The following ATP2B2 variants were observed in gnomAD, a reference collection of about 807,000 sequenced individuals.
ATP2B2 encodes the protein plasma membrane calcium-transporting ATPase 2.
In ATP2B2, 15 loss-of-function variants were observed where a neutral mutation model predicts 120.0. That is an observed-to-expected ratio of 0.12 (90% confidence interval 0.08 to 0.19). The LOEUF is 0.19. ATP2B2 is among the 10% of genes least tolerant of loss of function. The pLI, the probability that ATP2B2 is intolerant of heterozygous loss-of-function variation, is 1.00. For synonymous variants in ATP2B2, 694 were observed against 700.3 expected (o/e 0.99, Z 0.14); for missense variants, 1,045 against 1,719.8 (o/e 0.61, Z 6.94).
intron 14 of ATP2B2, among the ~76,000 whole-genome samples, chr3:10,354,855 G>T (rs546899771): frequency 6.6e-6 from 1 of 152,350 alleles, no homozygotes; most frequent in East Asian, 1.9e-4. Context: ...AGCCTCCTAG[G>T]CTGGAGGCAC....
chr3:10,645,122 G>C (rs1189132428), intron 1 of ATP2B2, among the ~76,000 whole-genome samples: 1 of 152,166 alleles, frequency 6.6e-6, no homozygotes, highest in Admixed American at 6.5e-5. Context: ...GAGAGAGAGA[G>C]AGAATGTGTG....
intron 9 of ATP2B2, 42 bp downstream of exon 9, chr3:10,379,201 G>A (rs2061462250): frequency 6.2e-7 from 1 of 1,603,330 alleles, no homozygotes; most frequent in Non-Finnish European, 8.5e-7. Flanking sequence ...GGTGGGGAGG[G>A]GCCTCAGGGA....
intron 1 of ATP2B2, among the ~76,000 whole-genome samples, chr3:10,692,494 C>T (rs906514735): frequency 2.0e-5 from 3 of 152,160 alleles, no homozygotes; most frequent in African/African-American, 7.2e-5. Flanking sequence ...TGGATGCGCA[C>T]GTTCTGGGGG....
intron 1 of ATP2B2, among the ~76,000 whole-genome samples, chr3:10,661,632 C>T (rs568732506): frequency 4.3e-4 from 65 of 152,300 alleles, no homozygotes; most frequent in African/African-American, 1.4e-3. Context: ...ATTCCATGCT[C>T]ATGGATAGGA....
At chr3:10,593,413 C>A (rs1054644741) in intron 2 of ATP2B2, among the ~76,000 whole-genome samples, 6 of 152,184 alleles carry the variant, frequency 3.9e-5, no homozygotes, top group Non-Finnish European at 7.4e-5. Context: ...AATACCCCGG[C>A]CTAGAACAGG....
At chr3:10,624,334 T>C (rs2069633625) in intron 1 of ATP2B2, among the ~76,000 whole-genome samples, 1 of 152,210 alleles carries the variant, frequency 6.6e-6, no homozygotes, top group South Asian at 2.1e-4. Flanking sequence ...CTTTCCTTTA[T>C]TTCTGGCCGA....
At chr3:10,381,069 T>C (rs1439606064) in intron 8 of ATP2B2, among the ~76,000 whole-genome samples, 1 of 152,228 alleles carries the variant, frequency 6.6e-6, no homozygotes, top group Non-Finnish European at 1.5e-5. Context: ...GATTAGTTCA[T>C]CACTGTCACT....
At chr3:10,473,597 C>G (rs144706074) in intron 1 of ATP2B2, among the ~76,000 whole-genome samples, 135 of 152,342 alleles carry the variant, frequency 8.9e-4, no homozygotes, top group African/African-American at 3.2e-3. Flanking sequence ...CACCACTGCA[C>G]TCCAGCCTGG....
At chr3:10,363,542 G>A (rs556441619) in intron 12 of ATP2B2, among the ~76,000 whole-genome samples, 3 of 152,298 alleles carry the variant, frequency 2.0e-5, no homozygotes, top group Non-Finnish European at 2.9e-5. Context: ...AGCCATGGTC[G>A]TACCTTTGAG....
At chr3:10,537,101 T>C (rs913495230) in intron 2 of ATP2B2, among the ~76,000 whole-genome samples, 5 of 152,240 alleles carry the variant, frequency 3.3e-5, no homozygotes, top group African/African-American at 1.2e-4. Context: ...CATTGATCTA[T>C]GTGTCATATC....
chr3:10,449,644 G>C lies in ATP2B2; in HGVS notation c.-101C>G. 6.9e-7 allele frequency: 1 copy of C among 1,459,236 alleles called. No individual in the cohort carries two copies. Among genetic ancestry groups the C allele is most frequent in the Non-Finnish European group, 9.6e-7 (1 of 1,046,306 alleles). The allele number at this position is 1,459,236 out of a possible 1,614,324, so 90.4% of individuals were successfully genotyped here. A position where few individuals can be genotyped will look rare whatever the true frequency, so the allele number is the denominator to read the frequency against. On this transcript the variant is annotated 5_prime_UTR_variant, in exon 2 of 23. Coordinates refer to ENST00000360273, the MANE Select transcript of ATP2B2 (RefSeq NM_001001331.4). ...TGGCTGTCCTCAGCACACCCTCACT[G>C]GTCAGCTGTGGCACCAGGCGGCCGA... is the stretch of plus-strand genomic sequence containing the variant.
At chr3:10,594,261 T>C (rs1362402181) in intron 2 of ATP2B2, among the ~76,000 whole-genome samples, 2 of 152,186 alleles carry the variant, frequency 1.3e-5, no homozygotes, top group Non-Finnish European at 2.9e-5. Context: ...TAAAGACACA[T>C]GCACACTTAC....
At chr3:10,706,156 G>A (rs750302451) in intron 1 of ATP2B2, among the ~76,000 whole-genome samples, 158 of 152,166 alleles carry the variant, frequency 1.0e-3, no homozygotes, top group Admixed American at 2.0e-3. Flanking sequence ...ACTCACAGAA[G>A]GCAAGAATCA....
At chr3:10,526,188 C>T (rs768302222) in intron 3 of ATP2B2, among the ~76,000 whole-genome samples, 2 of 152,238 alleles carry the variant, frequency 1.3e-5, no homozygotes, top group Non-Finnish European at 2.9e-5. Flanking sequence ...TCTCCTCTCT[C>T]CTCTGCCTCC....
intron 12 of ATP2B2, among the ~76,000 whole-genome samples, 198 bp downstream of exon 12, chr3:10,371,611 G>T (rs2061244348): frequency 2.0e-5 from 3 of 152,160 alleles, no homozygotes; most frequent in Admixed American, 6.5e-5. Context: ...AACAATAAAG[G>T]TTTCTTTGTC....
chr3:10,592,029 G>T lies in ATP2B2; in HGVS notation c.-415+27888C>A, dbSNP rs184300138. On this transcript the variant is annotated intron_variant, in intron 2 of 21. Coordinates refer to the ATP2B2 transcript ENST00000646379. ...GCAGATCAGAGGACCTCAAGGTGGA[G>T]AAGGAGATCTGAGGCCTGCACTGGT... is the stretch of plus-strand genomic sequence containing the variant. Among the ~76,000 whole-genome samples, 4 of 152,330 alleles carry T rather than the reference G, an allele frequency of 2.6e-5. No homozygotes were observed. In the East Asian group the frequency reaches 7.7e-4, roughly 29 times the overall value.
In ATP2B2 at chr3:10,429,365, A is replaced by AT. The variant is rs535463009; in HGVS notation, c.200-18551dup. On this transcript the variant is annotated intron_variant, in intron 2 of 22. Coordinates refer to ENST00000360273, the MANE Select transcript of ATP2B2 (RefSeq NM_001001331.4). ...TGCATTGAGCAAGTCTATAGGTGCCATTTTTCCAATAGCACATGCTCACCT... is the reference window on the plus strand; with the variant it reads ...TGCATTGAGCAAGTCTATAGGTGCCATTTTTTCCAATAGCACATGCTCACCT... 3.8e-3 allele frequency among the ~76,000 whole-genome samples: 573 copies of AT among 152,310 alleles called. 1 individual carries two copies. Among genetic ancestry groups the AT allele is most frequent in the African/African-American group, 0.013 (555 of 41,562 alleles).
rs2060340298 is a variant in ATP2B2 at position 10,343,412 on chromosome 3, G to A, written c.2704-447C>T. Reference sequence around the variant, plus strand: ...AGTGCCCGTCCCCCACCCCCCCAATGTCTCCTCCCCTCTTATCCCGCCTTA... The same window carrying A: ...AGTGCCCGTCCCCCACCCCCCCAATATCTCCTCCCCTCTTATCCCGCCTTA... On this transcript the variant is annotated intron_variant, in intron 18 of 22. Coordinates refer to ENST00000360273, the MANE Select transcript of ATP2B2 (RefSeq NM_001001331.4). The surrounding 1 kb of genome is among the most constrained non-coding windows in gnomAD (Gnocchi z 4.2). Among the ~76,000 whole-genome samples, 1 of 103,506 alleles carries A rather than the reference G, an allele frequency of 9.7e-6. No homozygotes were observed. Among genetic ancestry groups the A allele is most frequent in the Non-Finnish European group, 1.9e-5 (1 of 52,560 alleles). The allele number at this position is 103,506 out of a possible 152,430, so 67.9% of individuals were successfully genotyped here. A position where few individuals can be genotyped will look rare whatever the true frequency, so the allele number is the denominator to read the frequency against.
intron 11 of ATP2B2, among the ~76,000 whole-genome samples, chr3:10,374,351 G>A (rs557289872): frequency 2.6e-5 from 4 of 152,266 alleles, no homozygotes; most frequent in Admixed American, 1.3e-4. Context: ...ACAGGAAGAC[G>A]ATAAGGGCCG....
Sources: gnomAD v4.1 joint callset for allele counts (sites outside exome capture counted in the v4.1 genomes callset) on GRCh38, gnomAD v4.1.1 for gene constraint, Gnocchi (gnomAD v3.1) non-coding constraint, MANE v1.5 for transcripts, NCBI Gene and HGNC (gene_info 2026-07-23, HGNC 2026-07-21) for gene names.